The following ZNF184 variants were observed in gnomAD, a reference collection of about 807,000 sequenced individuals.
ZNF184 encodes the protein zinc finger protein 184, also known as zinc finger protein 184 (Kruppel-like).
ZNF184 carries 16 observed loss-of-function variants against 54.4 expected under a neutral mutation model. That is an observed-to-expected ratio of 0.29 (90% CI 0.20 to 0.45). The LOEUF (loss-of-function observed/expected upper bound fraction) is 0.45. ZNF184 is among the 20% of genes least tolerant of loss of function. ZNF184 has a pLI of 1.00. For synonymous variants in ZNF184, 254 were observed against 295.3 expected, an observed-to-expected ratio of 0.86 and a Z score of 1.43; for missense variants, 681 against 888.2, an observed-to-expected ratio of 0.77 and a Z score of 2.97.
chr6:27,472,399 T>G lies in ZNF184; in HGVS notation c.-105A>C. Reference sequence around the variant, plus strand: ...TAGGACTCAGATGTCTAACTCCCCTTGCAGGGAATCTGCAACACGCTGAGG... The same window carrying G: ...TAGGACTCAGATGTCTAACTCCCCTGGCAGGGAATCTGCAACACGCTGAGG... On this transcript the variant is annotated 5_prime_UTR_variant, in exon 2 of 6. Coordinates refer to ENST00000683788, the MANE Select transcript of ZNF184 (RefSeq NM_001318891.2). The surrounding 1 kb of genome is among the most constrained non-coding windows in gnomAD (Gnocchi z 4.8). The G allele has an allele frequency of 1.4e-6, 2 of 1,478,722 alleles. No individual in the cohort carries two copies. The highest frequency in any genetic ancestry group is 1.9e-6 in the Non-Finnish European group (2 of 1,065,878). The allele number at this position is 1,478,722 out of a possible 1,614,324, so 91.6% of individuals were successfully genotyped here. A position where few individuals can be genotyped will look rare whatever the true frequency, so the allele number is the denominator to read the frequency against.
At chr6:27,442,880 A>AAGAAAAGAAAAGAAAG in the ZNF184 span, among the ~76,000 whole-genome samples, 1 of 86,174 alleles carries the variant, frequency 1.2e-5, no homozygotes, top group Admixed American at 1.2e-4. Flanking sequence ...GAAAGAAAGA[A>AAGAAAAGAAAAGAAAG]AAAGAAAAAA....
At chr6:27,446,163 C>T (rs1028590419), downstream of ZNF184, among the ~76,000 whole-genome samples, 1 of 152,184 alleles carries the variant, frequency 6.6e-6, no homozygotes, top group African/African-American at 2.4e-5. Context: ...AAGGAAGGTG[C>T]TATTCATTAA....
chr6:27,433,980 T>TCCTTCCTTCCTCTCCCTCCCTC, the ZNF184 span, among the ~76,000 whole-genome samples: 3 of 147,656 alleles, frequency 2.0e-5, no homozygotes, highest in Admixed American at 1.4e-4. Context: ...CTCCCTTCCT[T>TCCTTCCTTCCTCTCCCTCCCTC]CCTTCCTTCC....
At chr6:27,466,033 T>C (rs1763126990) in intron 3 of ZNF184, among the ~76,000 whole-genome samples, 1 of 152,204 alleles carries the variant, frequency 6.6e-6, no homozygotes, top group Admixed American at 6.5e-5. Context: ...GGGGAAATTA[T>C]TCTGTATTAC....
At chr6:27,409,498 C>CAAAAA in the ZNF184 span, among the ~76,000 whole-genome samples, 4 of 39,868 alleles carry the variant, frequency 1.0e-4, no homozygotes, top group Middle Eastern at 0.017. Flanking sequence ...GACTCCGTCT[C>CAAAAA]AAAAAAAAAA....
chr6:27,435,476 T>C, the ZNF184 span, among the ~76,000 whole-genome samples: 1 of 152,222 alleles, frequency 6.6e-6, no homozygotes. Flanking sequence ...CAACTAATTT[T>C]TGTGTATTGA....
At chr6:27,449,949 T>A (rs1407882988), downstream of ZNF184, among the ~76,000 whole-genome samples, 1 of 151,822 alleles carries the variant, frequency 6.6e-6, no homozygotes, top group Non-Finnish European at 1.5e-5. Context: ...GGAGAAAAAA[T>A]GGTAAATATG....
rs761380159 is a variant in ZNF184, at chr6:27,468,916, TG to T, written c.8-997del. On this transcript the variant is annotated intron_variant, in intron 2 of 5. Transcript: ENST00000683788. ...GGGGCATTAGAAACATTCCATATCT[TG>T]GTTATACTAGTTTATACATACATGA... 5.3e-5 allele frequency among the ~76,000 whole-genome samples: 8 copies of T among 152,336 alleles called. No homozygotes were observed. In the East Asian group the frequency reaches 7.7e-4, roughly 15 times the overall value.
the ZNF184 span, among the ~76,000 whole-genome samples, chr6:27,440,484 A>T: frequency 5.9e-5 from 9 of 152,156 alleles, no homozygotes; most frequent in Non-Finnish European, 1.0e-4. Context: ...AGCAGTGATC[A>T]TTTGCTTTTT....
chr6:27,422,140 CAAAA>C, the ZNF184 span, among the ~76,000 whole-genome samples: 33 of 29,330 alleles, frequency 1.1e-3, 2 homozygotes, highest in East Asian at 9.3e-3. Context: ...GGCCGTACCT[CAAAA>C]AAAAAAAGAA....
At position 27,454,030 on chromosome 6, in the gene ZNF184, T is replaced by C. The variant is rs76128206; in HGVS notation, c.299-770A>G. Among the ~76,000 whole-genome samples the C allele has an allele frequency of 5.4e-4, 82 of 152,168 alleles. No individual in the cohort carries two copies. In the East Asian group the frequency reaches 0.014, roughly 26 times the overall value. On this transcript the variant is annotated intron_variant, in intron 5 of 5. Coordinates refer to ENST00000683788, the MANE Select transcript of ZNF184 (RefSeq NM_001318891.2). The stretch of plus-strand genomic sequence containing the variant: ...TCAGGGTAACAGAATTAATAAAATA[T>C]ACCAATGAAAGAAAGCAGTTTATCA...
rs533816831 is a variant in ZNF184 at position 27,451,636 on chromosome 6, G to A, written c.1923C>T (p.Pro641=). 3.1e-6 allele frequency: 5 copies of A among 1,614,148 alleles called. No homozygotes were observed. The East Asian group carries it at 6.7e-5, about 22-fold the overall frequency. The change falls in exon 6 of 6, where the codon CCC becomes CCT. Residue 641 remains proline (P), a synonymous_variant. Transcript: ENST00000683788. ...TCTTTTCACATTTATTACACTGGTAGGGTTTTTCTTCTGTGTGAGTTTTTT... is the reference window on the plus strand; with the variant it reads ...TCTTTTCACATTTATTACACTGGTAAGGTTTTTCTTCTGTGTGAGTTTTTT... ...QHQKTHTEEK[P]YQCNKCEKTF... is the part of the protein sequence containing the mutation.
rs1169765015 is a variant in ZNF184, at chr6:27,457,364, C to A, written c.121G>T (p.Glu41Ter). ...TGGCCAGGGTCCAGCTGTTTCCATT[C>A]TTCCTGGGTAAAGTCCACTATCACA... The part of the protein sequence containing the change: ...KDVIVDFTQE[E>*]WKQLDPGQRD... The change falls in exon 4 of 6, where the codon GAA (glutamate) becomes TAA (stop). Residue 41 changes from glutamate (E) to a stop codon, truncating the protein, a stop_gained. Transcript: ENST00000683788. LOFTEE classifies it high-confidence loss of function. 6.2e-7 allele frequency: 1 copy of A among 1,614,008 alleles called. No homozygotes were observed. The highest frequency in any genetic ancestry group is 2.2e-5 in the East Asian group (1 of 44,864).
chr6:27,410,854 G>A, the ZNF184 span, among the ~76,000 whole-genome samples: 5,433 of 152,138 alleles, frequency 0.036, 205 homozygotes, highest in African/African-American at 0.095. Flanking sequence ...TGATCATGGT[G>A]GTTAAGTCTG....
chr6:27,409,660 G>T, the ZNF184 span, among the ~76,000 whole-genome samples: 1 of 151,920 alleles, frequency 6.6e-6, no homozygotes, highest in African/African-American at 2.4e-5. Context: ...ATGAATTCTG[G>T]ATATATGACC....
At chr6:27,465,484 C>CAAAAAAAAAAAAAAAAAAAAAAAA (rs60538455) in intron 3 of ZNF184, among the ~76,000 whole-genome samples, 1 of 35,168 alleles carries the variant, frequency 2.8e-5, no homozygotes, top group African/African-American at 1.0e-4. Context: ...GACTCCATCT[C>CAAAAAAAAAAAAAAAAAAAAAAAA]AAAAAAAAAA....
the ZNF184 span, among the ~76,000 whole-genome samples, chr6:27,422,148 A>AAAAGAAAGAAAGAAAG: frequency 0.014 from 617 of 43,292 alleles, 20 homozygotes; most frequent in East Asian, 0.033. Context: ...CTCAAAAAAA[A>AAAAGAAAGAAAGAAAG]AAAGAAAGAA....
At chr6:27,419,037 G>A in the ZNF184 span, among the ~76,000 whole-genome samples, 300 of 152,044 alleles carry the variant, frequency 2.0e-3, no homozygotes, top group Non-Finnish European at 2.9e-3. The surrounding 1 kb of genome is among the most constrained non-coding windows in gnomAD (Gnocchi z 4.8). Flanking sequence ...TGAGTAAGGC[G>A]ATGAACTTTT....
intron 2 of ZNF184, 34 bp from the exon 3 acceptor site, chr6:27,467,954 T>C: frequency 6.6e-7 from 1 of 1,514,416 alleles, no homozygotes; most frequent in Non-Finnish European, 9.0e-7. Flanking sequence ...ATGACTTCTG[T>C]TCAATTTAGC....
Sources: allele counts gnomAD v4.1 joint callset (sites outside exome capture counted in the v4.1 genomes callset), GRCh38; gene constraint gnomAD v4.1.1; non-coding constraint Gnocchi (gnomAD v3.1); transcripts MANE v1.5; gene names NCBI Gene and HGNC (gene_info 2026-07-23, HGNC 2026-07-21).